The following FUT8 variants were observed in gnomAD, a reference collection of about 807,000 sequenced individuals.
FUT8 encodes the protein fucosyltransferase 8.
In FUT8, 29 loss-of-function variants were observed where a neutral mutation model predicts 71.3. The ratio of observed to expected loss-of-function variants is 0.41; its 90% CI spans 0.30 to 0.55. FUT8 has a LOEUF of 0.55. Among genes scored for constraint, FUT8 ranks in the 20% least tolerant of loss-of-function variants. The pLI is 0.34. For missense variants in FUT8, 544 were observed against 702.1 expected, an observed-to-expected ratio of 0.77 and a Z score of 2.55; for synonymous variants, 254 against 239.3, an observed-to-expected ratio of 1.06 and a Z score of -0.57.
At chr14:65,597,939 C>T (rs976662821) in intron 3 of FUT8, among the ~76,000 whole-genome samples, 7 of 151,980 alleles carry the variant, frequency 4.6e-5, no homozygotes, top group Non-Finnish European at 1.0e-4. Flanking sequence ...GAGGCTGAGG[C>T]GAGAGGATTG....
intron 7 of FUT8, among the ~76,000 whole-genome samples, chr14:65,720,402 T>A (rs1895355492): frequency 6.6e-6 from 1 of 152,232 alleles, no homozygotes; most frequent in Non-Finnish European, 1.5e-5. Context: ...AGGAGTGCCA[T>A]ACAAGAGCCA....
chr14:65,697,999 A>AG (rs1894083553), intron 7 of FUT8, among the ~76,000 whole-genome samples: 2 of 152,220 alleles, frequency 1.3e-5, no homozygotes, highest in East Asian at 3.9e-4. Flanking sequence ...CTCAAAAAAA[A>AG]AAAAGGAATA....
intron 7 of FUT8, among the ~76,000 whole-genome samples, chr14:65,688,766 G>T (rs1893429189): frequency 1.3e-5 from 2 of 152,166 alleles, no homozygotes; most frequent in Non-Finnish European, 2.9e-5. Context: ...ACTATGTTTA[G>T]CTTTGTAAGA....
the FUT8 span, among the ~76,000 whole-genome samples, chr14:65,388,516 C>A: frequency 1.3e-5 from 2 of 152,148 alleles, no homozygotes; most frequent in Non-Finnish European, 2.9e-5. Context: ...AATCCTAGCG[C>A]TTTGGCAGGC....
intron 8 of FUT8, among the ~76,000 whole-genome samples, chr14:65,723,695 T>C (rs1408207230): frequency 6.6e-6 from 1 of 152,166 alleles, no homozygotes; most frequent in Non-Finnish European, 1.5e-5. Flanking sequence ...CAGGGTAAAA[T>C]AAAGAGGAAA....
chr14:65,581,870 T>C (rs779692130), intron 3 of FUT8, among the ~76,000 whole-genome samples: 2 of 152,172 alleles, frequency 1.3e-5, no homozygotes, highest in Non-Finnish European at 2.9e-5. Flanking sequence ...TTTTCTGTTT[T>C]CTAAGAGGAC....
chr14:65,544,969 ATCCTCTCCTCTTCCTTCCCC>A (rs1160655571), intron 2 of FUT8, among the ~76,000 whole-genome samples: 2 of 149,540 alleles, frequency 1.3e-5, no homozygotes, highest in African/African-American at 2.5e-5. Flanking sequence ...CTCTCTTTTC[ATCCTCTCCTCTTCCTTCCCC>A]TCCTCTCCTC....
At chr14:65,700,750 AT>A (rs1894252664) in intron 7 of FUT8, among the ~76,000 whole-genome samples, 1 of 152,158 alleles carries the variant, frequency 6.6e-6, no homozygotes, top group Non-Finnish European at 1.5e-5. Flanking sequence ...TAATGAACAC[AT>A]TCTTGAACCC....
chr14:65,454,304 A>G (rs1244996049), intron 1 of FUT8, among the ~76,000 whole-genome samples: 3 of 152,098 alleles, frequency 2.0e-5, no homozygotes, highest in Non-Finnish European at 2.9e-5. Flanking sequence ...GTCTTCTTCA[A>G]ATAGATGTAT....
At position 65,725,702 on chromosome 14, in the gene FUT8, T is replaced by C. The variant is rs544247119; in HGVS notation, c.1259+1379T>C. Among the ~76,000 whole-genome samples, 5 of 152,330 alleles carry C rather than the reference T, an allele frequency of 3.3e-5. No homozygotes were observed. In the East Asian group the frequency reaches 9.6e-4, roughly 29 times the overall value. The stretch of plus-strand genomic sequence containing the variant: ...GACATAATACCTAGCTGTAGTTAAA[T>C]GCCCAGTAAATATTAAATGGTATTG... On this transcript the variant is annotated intron_variant, in intron 9 of 10. Coordinates refer to ENST00000673929, the MANE Select transcript of FUT8 (RefSeq NM_001371533.1).
rs538150765 is a variant in FUT8, at chr14:65,573,698, T to C, written c.203+11932T>C. On this transcript the variant is annotated intron_variant, in intron 3 of 10. Transcript: ENST00000673929. ...TGATCGTGCCTGTGAATAGCCACTG[T>C]ACTCCAGCCTGGGCAACACAGTGAG... Among the ~76,000 whole-genome samples the C allele has an allele frequency of 6.9e-4, 103 of 150,272 alleles. 1 individual carries two copies. The highest frequency in any genetic ancestry group is 2.2e-3 in the African/African-American group (91 of 40,858).
chr14:65,433,884 A>G (rs1235761128), intron 1 of FUT8, among the ~76,000 whole-genome samples: 1 of 151,820 alleles, frequency 6.6e-6, no homozygotes, highest in African/African-American at 2.4e-5. Flanking sequence ...CTGCAACCTG[A>G]AACTCCTGGC....
chr14:65,711,049 C>G lies in FUT8; in HGVS notation c.836-10726C>G, dbSNP rs374389341. ...CCAAGTCTTTCATGAGGGATCTGCC[C>G]CTATAACCCAAACACCTCCCACCAG... On this transcript the variant is annotated intron_variant, in intron 7 of 10. Transcript: ENST00000673929. 1.2e-4 allele frequency among the ~76,000 whole-genome samples: 19 copies of G among 152,254 alleles called. 3 individuals are homozygous for G. The highest frequency in any genetic ancestry group is 4.3e-4 in the African/African-American group (18 of 41,546).
chr14:65,492,414 A>C (rs1490910371), intron 2 of FUT8, among the ~76,000 whole-genome samples: 1 of 152,202 alleles, frequency 6.6e-6, no homozygotes, highest in Non-Finnish European at 1.5e-5. Context: ...CAACTGTTCA[A>C]ACTGTGTTCA....
chr14:65,633,610 T>G (rs1436622739), intron 6 of FUT8, among the ~76,000 whole-genome samples: 20 of 146,420 alleles, frequency 1.4e-4, no homozygotes, highest in African/African-American at 5.2e-4. Flanking sequence ...GTCTGAGATG[T>G]GGGGAGCGCC....
chr14:65,644,718 C>T (rs1016988187), intron 6 of FUT8, among the ~76,000 whole-genome samples: 2 of 152,134 alleles, frequency 1.3e-5, no homozygotes, highest in African/African-American at 4.8e-5. Flanking sequence ...AGGGGAAATA[C>T]AGAGTTAGGT....
At chr14:65,691,699 T>A (rs894080963) in intron 7 of FUT8, among the ~76,000 whole-genome samples, 8 of 152,020 alleles carry the variant, frequency 5.3e-5, no homozygotes, top group African/African-American at 7.3e-5. Flanking sequence ...GGTCAACAGA[T>A]AAACAAGTGA....
intron 7 of FUT8, among the ~76,000 whole-genome samples, chr14:65,697,062 G>A (rs61987770): frequency 0.049 from 7,393 of 152,180 alleles, 253 homozygotes; most frequent in Admixed American, 0.11. Context: ...CTGAGGGTTT[G>A]TATCTTCAGA....
chr14:65,737,203 T>C (rs1160266600), intron 10 of FUT8, among the ~76,000 whole-genome samples: 1 of 152,076 alleles, frequency 6.6e-6, no homozygotes, highest in Non-Finnish European at 1.5e-5. Flanking sequence ...AATGAAAAGG[T>C]TTTAAAAGCC....
Sources: allele counts gnomAD v4.1 joint callset (sites outside exome capture counted in the v4.1 genomes callset), GRCh38; gene constraint gnomAD v4.1.1; transcripts MANE v1.5; gene names NCBI Gene and HGNC (gene_info 2026-07-23, HGNC 2026-07-21).